MAP3K15: variants seen among roughly 807,000 people sequenced by gnomAD.
MAP3K15 encodes the protein MAPK/ERK kinase kinase 15.
A neutral mutation model predicts 99.5 loss-of-function variants in MAP3K15; 124 were observed. That is an observed-to-expected ratio of 1.25 (90% CI 1.08 to 1.45). The LOEUF (loss-of-function observed/expected upper bound fraction) is 1.45. MAP3K15 is among the 40% of genes most tolerant of loss of function. The pLI, the probability that MAP3K15 is intolerant of heterozygous loss-of-function variation, is 0.00. For missense variants in MAP3K15, 1,242 were observed against 1,079.7 expected (o/e 1.15, Z -2.11); for synonymous variants, 494 against 439.6 (o/e 1.12, Z -1.55).
At chrX:19,476,486 T>C (rs2064244097) in intron 3 of MAP3K15, among the ~76,000 whole-genome samples, 2 of 111,750 alleles carry the variant, frequency 1.8e-5, no homozygotes, top group African/African-American at 6.5e-5. Flanking sequence ...TAGAAGAAAA[T>C]CCAAGTTGAC....
intron 10 of MAP3K15, among the ~76,000 whole-genome samples, chrX:19,413,932 A>C (rs1233145427): frequency 5.5e-5 from 6 of 109,637 alleles, no homozygotes; most frequent in Non-Finnish European, 1.1e-4. Flanking sequence ...AGGCCAAAGC[A>C]GGCGGATCAC....
At chrX:19,387,604 C>G (rs760473595) in intron 18 of MAP3K15, among the ~76,000 whole-genome samples, 332 of 110,489 alleles carry the variant, frequency 3.0e-3, no homozygotes, top group African/African-American at 0.01. Context: ...CCAGGCTGGT[C>G]TCAAACTCCT....
At chrX:19,460,249 A>T (rs757041545) in intron 4 of MAP3K15, 96 bp from the exon 5 acceptor site, 1 of 584,547 alleles carries the variant, frequency 1.7e-6, no homozygotes, top group Non-Finnish European at 2.5e-6. Flanking sequence ...GACTTAGGCT[A>T]ACACATAGGG....
intron 7 of MAP3K15, among the ~76,000 whole-genome samples, chrX:19,429,760 A>G (rs1184683797): frequency 1.2e-4 from 4 of 33,240 alleles, no homozygotes; most frequent in East Asian, 1.7e-3. Context: ...GTATGAAAGG[A>G]AGAGAGAGAG....
chrX:19,420,046 A>G (rs867070863), intron 9 of MAP3K15, among the ~76,000 whole-genome samples: 2 of 112,254 alleles, frequency 1.8e-5, no homozygotes, highest in Middle Eastern at 9.2e-3. Flanking sequence ...AGTAGTGTGT[A>G]GAGGGAAATT....
intron 6 of MAP3K15, among the ~76,000 whole-genome samples, chrX:19,441,230 T>C (rs1430952925): frequency 9.0e-6 from 1 of 110,950 alleles, no homozygotes; most frequent in Non-Finnish European, 1.9e-5. Context: ...AGTGTTTTCC[T>C]CAGGCTAGAG....
chrX:19,402,298 G>GA (rs201716304), intron 13 of MAP3K15, among the ~76,000 whole-genome samples: 4,259 of 108,906 alleles, frequency 0.039, 222 homozygotes, highest in African/African-American at 0.13. Flanking sequence ...TGTCTCAACA[G>GA]AAAAAAAATA....
chrX:19,426,747 G>A (rs1435452117), intron 7 of MAP3K15, among the ~76,000 whole-genome samples: 1 of 102,591 alleles, frequency 9.7e-6, no homozygotes, highest in African/African-American at 3.7e-5. Flanking sequence ...GAACCCGGGA[G>A]GTGGAACCTG....
At position 19,441,236 on chromosome X, in the gene MAP3K15, T is replaced by C. The variant is rs1363861358; in HGVS notation, c.996-9628A>G. On this transcript the variant is annotated intron_variant, in intron 6 of 28. Transcript: ENST00000338883. ...AAAGAGACTAGTGTTTTCCTCAGGC[T>C]AGAGAGTGAGGCGGAAGAAGAGGGG... Among the ~76,000 whole-genome samples, 20 of 110,443 alleles carry C rather than the reference T, an allele frequency of 1.8e-4. No individual in the cohort carries two copies. The Admixed American group carries it at 1.9e-3, about 11-fold the overall frequency.
At chrX:19,472,463 C>T (rs917846196) in intron 3 of MAP3K15, among the ~76,000 whole-genome samples, 9 of 110,430 alleles carry the variant, frequency 8.1e-5, no homozygotes, top group Admixed American at 1.9e-4. Context: ...TCATGTGTTG[C>T]GGCTTATACA....
chrX:19,378,975 C>G (rs964294921), intron 19 of MAP3K15, among the ~76,000 whole-genome samples: 1 of 111,392 alleles, frequency 9.0e-6, no homozygotes, highest in Non-Finnish European at 1.9e-5. Flanking sequence ...AAACCTGTCC[C>G]CCAAAGGCAC....
intron 7 of MAP3K15, among the ~76,000 whole-genome samples, chrX:19,428,487 A>T (rs1221066806): frequency 8.9e-6 from 1 of 111,932 alleles, no homozygotes; most frequent in Non-Finnish European, 1.9e-5. Context: ...AATTTAAAAA[A>T]AGAAAATGAG....
intron 7 of MAP3K15, among the ~76,000 whole-genome samples, chrX:19,429,280 G>A (rs2063859163): frequency 9.0e-6 from 1 of 110,796 alleles, no homozygotes. Flanking sequence ...CAGCAAGCAG[G>A]GAGTCTACTT....
chrX:19,494,181 C>T (rs934195949), intron 1 of MAP3K15, among the ~76,000 whole-genome samples: 79 of 111,156 alleles, frequency 7.1e-4, no homozygotes, highest in African/African-American at 2.5e-3. Context: ...AGAAGTGATA[C>T]CAGGCATGGT....
chrX:19,378,148 C>T (rs2063433414), intron 19 of MAP3K15, among the ~76,000 whole-genome samples: 1 of 112,533 alleles, frequency 8.9e-6, no homozygotes, highest in South Asian at 3.6e-4. Flanking sequence ...ATGAAGGCAC[C>T]GTGTTTGGCA....
chrX:19,398,292 TAC>T lies in MAP3K15; in HGVS notation c.1998_1999del (p.Tyr667CysfsTer21). 8.3e-7 allele frequency: 1 copy of T among 1,211,220 alleles called. No individual in the cohort carries two copies. The highest frequency in any genetic ancestry group is 1.1e-6 in the Non-Finnish European group (1 of 895,283). On this transcript the variant is annotated frameshift_variant, in exon 15 of 29. Coordinates refer to ENST00000338883, the MANE Select transcript of MAP3K15 (RefSeq NM_001001671.4). LOFTEE classifies it high-confidence loss of function. Reference sequence around the variant, plus strand: ...TTGATTGCTCAGATCTCGGCCAGCATACACAATCCCATACGTGCCTTTCCCCA... The same window carrying T: ...TTGATTGCTCAGATCTCGGCCAGCATACAATCCCATACGTGCCTTTCCCCA...
chrX:19,445,840 G>A (rs1042763173), intron 6 of MAP3K15, among the ~76,000 whole-genome samples: 2 of 108,911 alleles, frequency 1.8e-5, no homozygotes, highest in Non-Finnish European at 3.8e-5. Flanking sequence ...CCAGCTACTC[G>A]GGAGGCTGAA....
intron 18 of MAP3K15, among the ~76,000 whole-genome samples, chrX:19,382,351 T>C (rs1190699324): frequency 9.0e-6 from 1 of 110,568 alleles, no homozygotes; most frequent in Non-Finnish European, 1.9e-5. Flanking sequence ...TATGTCTTAT[T>C]AGCATTCTTT....
intron 11 of MAP3K15, among the ~76,000 whole-genome samples, chrX:19,412,065 C>G (rs1210337864): frequency 9.0e-6 from 1 of 111,487 alleles, no homozygotes; most frequent in Non-Finnish European, 1.9e-5. Flanking sequence ...CAGGAGTCGG[C>G]CTTTGGATTC....
Sources: allele counts gnomAD v4.1 joint callset (sites outside exome capture counted in the v4.1 genomes callset), GRCh38; gene constraint gnomAD v4.1.1; transcripts MANE v1.5; gene names NCBI Gene and HGNC (gene_info 2026-07-23, HGNC 2026-07-21).